MBNL1: variants seen among roughly 807,000 people sequenced by gnomAD.
The protein encoded by MBNL1 is muscleblind-like protein 1.
In MBNL1, 8 loss-of-function variants were observed where a neutral mutation model predicts 42.2. The ratio of observed to expected loss-of-function variants is 0.19; its 90% confidence interval spans 0.11 to 0.34. The LOEUF is 0.34. Among genes scored for constraint, MBNL1 ranks in the 10% least tolerant of loss-of-function variants. MBNL1 has a pLI of 1.00. For missense variants in MBNL1, 309 were observed against 495.3 expected, an observed-to-expected ratio of 0.62 and a Z score of 3.57; for synonymous variants, 169 against 173.9, an observed-to-expected ratio of 0.97 and a Z score of 0.22.
At chr3:152,305,537 A>T (rs1296727142) in intron 2 of MBNL1, among the ~76,000 whole-genome samples, 4 of 150,186 alleles carry the variant, frequency 2.7e-5, no homozygotes, top group Non-Finnish European at 4.4e-5. Flanking sequence ...GTGCTTTTAG[A>T]TAGGTGAGCA....
At chr3:152,271,579 G>C (rs937622641) in intron 1 of MBNL1, among the ~76,000 whole-genome samples, 2 of 152,092 alleles carry the variant, frequency 1.3e-5, no homozygotes, top group Admixed American at 1.3e-4. Context: ...TCTTGGTTAG[G>C]AGAAGCTGAA....
chr3:152,330,585 A>G (rs564107586), intron 2 of MBNL1, among the ~76,000 whole-genome samples: 5 of 152,312 alleles, frequency 3.3e-5, no homozygotes, highest in Admixed American at 2.6e-4. Context: ...ACTGTGTGTC[A>G]CTGAATTCAT....
intron 2 of MBNL1, among the ~76,000 whole-genome samples, chr3:152,373,659 C>G (rs945476531): frequency 3.3e-5 from 5 of 152,124 alleles, no homozygotes; most frequent in Non-Finnish European, 5.9e-5. Context: ...TAACCTGTAC[C>G]AAAGAGATGA....
chr3:152,251,336 T>C (rs1015731572), intron 2 of MBNL1, among the ~76,000 whole-genome samples: 10 of 152,128 alleles, frequency 6.6e-5, no homozygotes, highest in African/African-American at 1.9e-4. Flanking sequence ...AAAACATTTA[T>C]ACATGGTGGC....
intron 2 of MBNL1, among the ~76,000 whole-genome samples, chr3:152,356,976 A>G (rs576700210): frequency 6.6e-6 from 1 of 152,142 alleles, no homozygotes; most frequent in South Asian, 2.1e-4. Flanking sequence ...GTCCTGTGGT[A>G]GAGAGGCAGT....
intron 2 of MBNL1, among the ~76,000 whole-genome samples, chr3:152,254,475 A>G (rs2035156930): frequency 6.6e-6 from 1 of 151,986 alleles, no homozygotes; most frequent in South Asian, 2.1e-4. Context: ...AACTACATGG[A>G]AGAGTAATCT....
At chr3:152,246,657 A>C (rs932236186) in intron 2 of MBNL1, among the ~76,000 whole-genome samples, 4 of 152,000 alleles carry the variant, frequency 2.6e-5, no homozygotes, top group African/African-American at 7.2e-5. Context: ...TTAGTAGATT[A>C]TGTTTATGTG....
chr3:152,346,929 A>G (rs1286035874), intron 2 of MBNL1, among the ~76,000 whole-genome samples: 3 of 151,228 alleles, frequency 2.0e-5, no homozygotes, highest in Non-Finnish European at 4.4e-5. Flanking sequence ...TTGTAATTCC[A>G]GCACTTTGGG....
chr3:152,342,389 AT>A (rs2093438324), intron 2 of MBNL1, among the ~76,000 whole-genome samples: 1 of 152,160 alleles, frequency 6.6e-6, no homozygotes, highest in Non-Finnish European at 1.5e-5. Context: ...TGAAGATTTA[AT>A]TTTACGAGAC....
chr3:152,252,269 T>G (rs2034744321), intron 2 of MBNL1, among the ~76,000 whole-genome samples: 1 of 147,794 alleles, frequency 6.8e-6, no homozygotes, highest in Non-Finnish European at 1.5e-5. Context: ...CCTTTATTCC[T>G]CCCTTCCTCC....
chr3:152,458,042 A>C, intron 8 of MBNL1: 1 of 1,052,378 alleles, frequency 9.5e-7, no homozygotes, highest in Middle Eastern at 2.3e-4. Flanking sequence ...CTGATGCCAC[A>C]AAATGCAGCC....
chr3:152,390,248 G>A (rs1286958888), intron 2 of MBNL1, among the ~76,000 whole-genome samples: 1 of 149,684 alleles, frequency 6.7e-6, no homozygotes, highest in Non-Finnish European at 1.5e-5. Flanking sequence ...ATATCTTTAA[G>A]GCTTTTCTCT....
rs1162663752 is a variant in MBNL1, at chr3:152,407,209, C to CCTT, written c.175-7732_175-7731insCTT. Among the ~76,000 whole-genome samples, 16 of 54,358 alleles carry CCTT rather than the reference C, an allele frequency of 2.9e-4. No homozygotes were observed. In the Admixed American group the frequency reaches 3.6e-3, roughly 12 times the overall value. 35.7% of individuals were successfully genotyped at this position (54,358 alleles called of 152,430 possible). On this transcript the variant is annotated intron_variant, in intron 2 of 9. Coordinates refer to ENST00000324210, the MANE Select transcript of MBNL1 (RefSeq NM_021038.5). ...GGGATTATATCAGTGGAAATATGTT[C>CCTT]TTTTTTTTTTTTTTTTTTTTTTTTT...
chr3:152,445,615 A>C (rs1167081710), intron 5 of MBNL1, 76 bp downstream of exon 5: 2 of 1,449,660 alleles, frequency 1.4e-6, no homozygotes, highest in African/African-American at 2.8e-5. Context: ...ACTACAAGCT[A>C]TTCATTTAGT....
intron 3 of MBNL1, among the ~76,000 whole-genome samples, chr3:152,421,726 G>T (rs1043238671): frequency 1.2e-4 from 18 of 152,112 alleles, no homozygotes; most frequent in African/African-American, 4.3e-4. Context: ...GGGACTAACA[G>T]CAGATTTCTC....
intron 2 of MBNL1, among the ~76,000 whole-genome samples, chr3:152,325,608 G>A (rs918359724): frequency 1.3e-5 from 2 of 151,562 alleles, no homozygotes; most frequent in African/African-American, 2.4e-5. Context: ...TAGTAGGTAA[G>A]TCAATTATTT....
At chr3:152,260,642 T>C (rs900816557) in intron 2 of MBNL1, among the ~76,000 whole-genome samples, 3 of 152,150 alleles carry the variant, frequency 2.0e-5, no homozygotes, top group African/African-American at 4.8e-5. Context: ...AGGGGGTGCT[T>C]ATAATCACAA....
intron 1 of MBNL1, among the ~76,000 whole-genome samples, chr3:152,297,622 G>C (rs1432099600): frequency 2.6e-5 from 4 of 152,096 alleles, no homozygotes; most frequent in Admixed American, 6.5e-5. Context: ...CCAAAGTGCT[G>C]GGATTACAGG....
intron 2 of MBNL1, among the ~76,000 whole-genome samples, chr3:152,375,981 TA>T (rs1470760613): frequency 6.6e-6 from 1 of 152,196 alleles, no homozygotes; most frequent in Non-Finnish European, 1.5e-5. Flanking sequence ...TAGCCACATT[TA>T]TTTCCCTTTA....
Sources: gnomAD v4.1 joint callset for allele counts (sites outside exome capture counted in the v4.1 genomes callset) on GRCh38, gnomAD v4.1.1 for gene constraint, MANE v1.5 for transcripts, NCBI Gene and HGNC (gene_info 2026-07-23, HGNC 2026-07-21) for gene names.